GTF2F2: variants seen among roughly 807,000 people sequenced by gnomAD.
GTF2F2 encodes general transcription factor IIF subunit 2.
GTF2F2 carries 23 observed loss-of-function variants against 42.2 expected under a neutral mutation model. The ratio of observed to expected loss-of-function variants is 0.55; its 90% confidence interval spans 0.39 to 0.77. The LOEUF (loss-of-function observed/expected upper bound fraction) is 0.77. Among genes scored for constraint, GTF2F2 ranks in the 30% least tolerant of loss-of-function variants. The pLI is 0.00. For missense variants in GTF2F2, 261 were observed against 287.2 expected, an observed-to-expected ratio of 0.91 and a Z score of 0.66; for synonymous variants, 105 against 100.8, an observed-to-expected ratio of 1.04 and a Z score of -0.25.
At chr13:45,236,490 TACACACAC>T (rs3047056) in intron 5 of GTF2F2, among the ~76,000 whole-genome samples, 6,032 of 141,996 alleles carry the variant, frequency 0.042, 138 homozygotes, top group African/African-American at 0.056. Context: ...CCGCCACACA[TACACACAC>T]ACACACACAC....
chr13:45,230,829 G>A (rs1229655154), intron 5 of GTF2F2, among the ~76,000 whole-genome samples: 2 of 152,098 alleles, frequency 1.3e-5, no homozygotes, highest in African/African-American at 2.4e-5. Context: ...TTCCTACACG[G>A]TGTCAGCTAA....
At position 45,257,219 on chromosome 13, in the gene GTF2F2, G is replaced by T. The variant is rs561904277; in HGVS notation, c.486+4249G>T. On this transcript the variant is annotated intron_variant, in intron 6 of 7. Coordinates refer to ENST00000340473, the MANE Select transcript of GTF2F2 (RefSeq NM_004128.3). The stretch of plus-strand genomic sequence containing the variant: ...CAGAAACCATCTACTGGGCCAAAAA[G>T]AATTATATGATTATTTTTATCTCTT... Among the ~76,000 whole-genome samples the T allele has an allele frequency of 1.1e-3, 167 of 152,236 alleles. 1 individual carries two copies. Among genetic ancestry groups the T allele is most frequent in the African/African-American group, 4.0e-3 (165 of 41,556 alleles).
chr13:45,267,890 T>C (rs1876634545), intron 7 of GTF2F2, among the ~76,000 whole-genome samples: 2 of 151,844 alleles, frequency 1.3e-5, no homozygotes, highest in Admixed American at 6.6e-5. Flanking sequence ...AAATTATGCT[T>C]GCAGAGATTG....
chr13:45,141,001 A>G (rs992494971), intron 2 of GTF2F2, among the ~76,000 whole-genome samples: 20 of 152,364 alleles, frequency 1.3e-4, no homozygotes, highest in African/African-American at 4.8e-4. Flanking sequence ...CCCAACCCAT[A>G]GGATGTTTAT....
chr13:45,180,133 G>A (rs536946010), intron 4 of GTF2F2, among the ~76,000 whole-genome samples: 1 of 152,184 alleles, frequency 6.6e-6, no homozygotes, highest in South Asian at 2.1e-4. Context: ...CTTCATCAAG[G>A]CTGTAAAGAC....
chr13:45,145,935 C>T lies in GTF2F2; in HGVS notation c.141-3835C>T, dbSNP rs1165672775. Among the ~76,000 whole-genome samples, 4 of 152,296 alleles carry T rather than the reference C, an allele frequency of 2.6e-5. No homozygotes were observed. The East Asian group carries it at 7.7e-4, about 29-fold the overall frequency. On this transcript the variant is annotated intron_variant, in intron 2 of 7. Coordinates refer to ENST00000340473, the MANE Select transcript of GTF2F2 (RefSeq NM_004128.3). ...CCACTAAGGGTCCAGCATCCTGTTT[C>T]AGGTTGTCCTCCTATATGTGGATGC...
At chr13:45,166,411 G>A (rs141859196) in intron 4 of GTF2F2, among the ~76,000 whole-genome samples, 11 of 152,286 alleles carry the variant, frequency 7.2e-5, no homozygotes, top group African/African-American at 2.6e-4. Flanking sequence ...AAGACATGAT[G>A]CAGTCTTTCT....
At chr13:45,159,377 A>G (rs1180389321) in intron 4 of GTF2F2, among the ~76,000 whole-genome samples, 3 of 152,242 alleles carry the variant, frequency 2.0e-5, no homozygotes, top group Non-Finnish European at 4.4e-5. Context: ...AGTAAATGAA[A>G]AAGGTAAGCG....
intron 4 of GTF2F2, chr13:45,194,485 T>A (rs1362698987): frequency 1.2e-6 from 2 of 1,614,232 alleles, no homozygotes; most frequent in South Asian, 2.2e-5. Flanking sequence ...TTTGCAGTTC[T>A]TTCCTTGATC....
At chr13:45,275,916 C>T (rs1444985632) in intron 7 of GTF2F2, among the ~76,000 whole-genome samples, 2 of 152,310 alleles carry the variant, frequency 1.3e-5, no homozygotes, top group Admixed American at 1.3e-4. Flanking sequence ...TACAGTCCCA[C>T]CAACAGGGTA....
At chr13:45,224,758 G>A (rs1184221735) in intron 5 of GTF2F2, among the ~76,000 whole-genome samples, 1 of 152,174 alleles carries the variant, frequency 6.6e-6, no homozygotes, top group East Asian at 1.9e-4. Context: ...GCTGTTGATT[G>A]CCAAAGCTTG....
rs192728665 is a variant in GTF2F2, at chr13:45,272,490, C to A, written c.630+5114C>A. On this transcript the variant is annotated intron_variant, in intron 7 of 7. Transcript: ENST00000340473. ...CAGGTGAGTGGTTCACGTGAGTAATCCCAGCACTTTGAGAGGCCAAGGTGA... is the reference window on the plus strand; with the variant it reads ...CAGGTGAGTGGTTCACGTGAGTAATACCAGCACTTTGAGAGGCCAAGGTGA... 4.8e-5 allele frequency among the ~76,000 whole-genome samples: 7 copies of A among 147,166 alleles called. No homozygotes were observed. In the East Asian group the frequency reaches 1.4e-3, roughly 29 times the overall value.
intron 4 of GTF2F2, among the ~76,000 whole-genome samples, chr13:45,154,990 A>C (rs1315251247): frequency 6.6e-6 from 1 of 152,228 alleles, no homozygotes; most frequent in Non-Finnish European, 1.5e-5. Context: ...TAGTCATTAA[A>C]GCAGCAGTTC....
At chr13:45,254,085 A>T (rs1875991278) in intron 6 of GTF2F2, among the ~76,000 whole-genome samples, 1 of 150,346 alleles carries the variant, frequency 6.7e-6, no homozygotes, top group Non-Finnish European at 1.5e-5. Flanking sequence ...AAAAAAAAAA[A>T]AGAAAGAAGA....
At chr13:45,140,236 A>G (rs1181609247) in intron 2 of GTF2F2, among the ~76,000 whole-genome samples, 1 of 151,958 alleles carries the variant, frequency 6.6e-6, no homozygotes, top group African/African-American at 2.4e-5. Flanking sequence ...ACAGGCATGA[A>G]CCACCATGCC....
At chr13:45,177,081 C>T (rs539212305) in intron 4 of GTF2F2, among the ~76,000 whole-genome samples, 46 of 152,218 alleles carry the variant, frequency 3.0e-4, no homozygotes, top group African/African-American at 1.0e-3. Context: ...TGAGCCACTG[C>T]GCCCAGCCTG....
In GTF2F2 at chr13:45,281,760, G is replaced by A. The variant is rs181340349; in HGVS notation, c.631-1682G>A. The stretch of plus-strand genomic sequence containing the variant: ...CTTCTCAGCCATTTTTCTTATTAAT[G>A]CCTCACTTCAATCAATAAGAAAAAT... On this transcript the variant is annotated intron_variant, in intron 7 of 7. Transcript: ENST00000340473. 2.2e-3 allele frequency among the ~76,000 whole-genome samples: 339 copies of A among 152,284 alleles called. 1 individual carries two copies. The highest frequency in any genetic ancestry group is 7.8e-3 in the African/African-American group (324 of 41,548).
chr13:45,254,645 T>C (rs1876024386), intron 6 of GTF2F2, among the ~76,000 whole-genome samples: 1 of 152,190 alleles, frequency 6.6e-6, no homozygotes, highest in Non-Finnish European at 1.5e-5. Flanking sequence ...CAGTCTAGCT[T>C]AGGAGCCATA....
At chr13:45,221,754 C>T (rs1416500448) in intron 5 of GTF2F2, among the ~76,000 whole-genome samples, 1 of 152,180 alleles carries the variant, frequency 6.6e-6, no homozygotes, top group Non-Finnish European at 1.5e-5. Flanking sequence ...TGTACAAATC[C>T]TGCATCATCT....
Sources: gnomAD v4.1 joint callset for allele counts (sites outside exome capture counted in the v4.1 genomes callset) on GRCh38, gnomAD v4.1.1 for gene constraint, MANE v1.5 for transcripts, NCBI Gene and HGNC (gene_info 2026-07-23, HGNC 2026-07-21) for gene names.